Variants in KIF1B observed in about 807,000 individuals in gnomAD.
KIF1B encodes the protein kinesin family member 1B, also known as kinesin-like protein KIF1B.
A neutral mutation model predicts 241.9 loss-of-function variants in KIF1B; 76 were observed. The ratio of observed to expected loss-of-function variants is 0.31; its 90% CI spans 0.26 to 0.38. The LOEUF (loss-of-function observed/expected upper bound fraction) is 0.38. Among genes scored for constraint, KIF1B ranks in the 10% least tolerant of loss-of-function variants. KIF1B has a pLI of 1.00. For missense variants in KIF1B, 1,622 were observed against 2,271.4 expected (o/e 0.71, Z 5.81); for synonymous variants, 750 against 796.7 (o/e 0.94, Z 0.99).
chr1:10,364,733 G>A (rs1032744486), intron 41 of KIF1B, among the ~76,000 whole-genome samples: 3 of 151,948 alleles, frequency 2.0e-5, no homozygotes, highest in Non-Finnish European at 2.9e-5. Flanking sequence ...GTGGCCAGGC[G>A]CGGTGGCTCA....
intron 22 of KIF1B, among the ~76,000 whole-genome samples, chr1:10,300,799 A>G (rs1340677432): frequency 6.6e-6 from 1 of 152,250 alleles, no homozygotes; most frequent in African/African-American, 2.4e-5. Flanking sequence ...ACTTAAAATT[A>G]GCCATTATGA....
intron 48 of KIF1B, 131 bp from the exon 49 acceptor site, chr1:10,376,414 G>A (rs900067123): frequency 4.7e-6 from 4 of 858,882 alleles, no homozygotes; most frequent in Non-Finnish European, 6.0e-6. Flanking sequence ...CGGAGTAGAC[G>A]GCTTAGAGGA....
intron 28 of KIF1B, among the ~76,000 whole-genome samples, chr1:10,335,114 A>T (rs1652116096): frequency 6.6e-6 from 1 of 152,068 alleles, no homozygotes; most frequent in Non-Finnish European, 1.5e-5. Context: ...TTTTAAGTTT[A>T]TAAATTTTAT....
chr1:10,268,344 G>A, intron 7 of KIF1B, 81 bp downstream of exon 7: 1 of 931,250 alleles, frequency 1.1e-6, no homozygotes, highest in Non-Finnish European at 1.7e-6. Context: ...TCTGCTTTTT[G>A]TGGAAGGTTG....
At chr1:10,239,201 G>A (rs1463698355) in intron 2 of KIF1B, among the ~76,000 whole-genome samples, 2 of 152,090 alleles carry the variant, frequency 1.3e-5, no homozygotes, top group South Asian at 2.1e-4. Flanking sequence ...TGATCTGCCC[G>A]TTCTTTCAGT....
chr1:10,213,155 TTA>T (rs1269518698), intron 1 of KIF1B, among the ~76,000 whole-genome samples: 1 of 151,178 alleles, frequency 6.6e-6, no homozygotes, highest in East Asian at 1.9e-4. Flanking sequence ...TTTTTAATTT[TTA>T]GAGTTACTTT....
chr1:10,235,940 T>G (rs1353597182), intron 2 of KIF1B, among the ~76,000 whole-genome samples: 3 of 151,598 alleles, frequency 2.0e-5, no homozygotes, highest in Admixed American at 1.3e-4. Context: ...GATATTCCAT[T>G]TAAGCTGGAC....
rs1026694682 is a variant in KIF1B at position 10,365,831 on chromosome 1, T to C, written c.4752+183T>C. 4.6e-4 allele frequency among the ~76,000 whole-genome samples: 70 copies of C among 152,208 alleles called. No homozygotes were observed. The highest frequency in any genetic ancestry group is 1.6e-3 in the African/African-American group (68 of 41,452). On this transcript the variant is annotated intron_variant, in intron 43 of 48. Transcript: ENST00000676179. The surrounding 1 kb of genome is among the most constrained non-coding windows in gnomAD (Gnocchi z 4.0). ...AGCTTACAGGGCCAGGCACAGTGCC[T>C]GATGCCTATTATCCCACCACTTTGG...
chr1:10,271,476 G>GC, intron 7 of KIF1B, 26 bp from the exon 8 acceptor site: 1 of 1,523,602 alleles, frequency 6.6e-7, no homozygotes, highest in Non-Finnish European at 9.1e-7. Flanking sequence ...TTTTTGAATT[G>GC]CCCCCATGTT....
intron 1 of KIF1B, among the ~76,000 whole-genome samples, chr1:10,215,172 A>ATTTTTTT (rs1166683802): frequency 1.5e-4 from 7 of 45,360 alleles, no homozygotes; most frequent in African/African-American, 4.0e-4. Context: ...ATATATATAT[A>ATTTTTTT]TTTTTTTTTT....
intron 1 of KIF1B, among the ~76,000 whole-genome samples, chr1:10,229,867 C>CAAAAAAAAAAAAAAAA (rs58923572): frequency 1.6e-4 from 9 of 56,474 alleles, no homozygotes; most frequent in African/African-American, 7.4e-4. Context: ...GACTCCGTCT[C>CAAAAAAAAAAAAAAAA]AAAAAAAAAA....
intron 2 of KIF1B, among the ~76,000 whole-genome samples, 180 bp from the exon 3 acceptor site, chr1:10,256,067 T>C (rs1399590379): frequency 1.3e-5 from 2 of 151,768 alleles, no homozygotes; most frequent in African/African-American, 4.8e-5. Context: ...GCTCGGACTC[T>C]CAAAATGCTG....
chr1:10,268,733 T>C (rs2102208100), intron 7 of KIF1B, among the ~76,000 whole-genome samples: 1 of 152,240 alleles, frequency 6.6e-6, no homozygotes, highest in African/African-American at 2.4e-5. Context: ...TCTGGTGTTC[T>C]TCAAATACCT....
At chr1:10,351,992 A>G (rs972120875) in intron 37 of KIF1B, among the ~76,000 whole-genome samples, 1 of 152,078 alleles carries the variant, frequency 6.6e-6, no homozygotes, top group African/African-American at 2.4e-5. Flanking sequence ...AACACAAAAA[A>G]ACAAGAAACT....
chr1:10,290,752 C>A lies in KIF1B; in HGVS notation c.1435-330C>A, dbSNP rs548108833. ...GGGCGTGGTGGCACGTGCCTGTAGTCCCAGCTGCTCGGGAGGCTGAGGCAG... is the reference window on the plus strand; with the variant it reads ...GGGCGTGGTGGCACGTGCCTGTAGTACCAGCTGCTCGGGAGGCTGAGGCAG... On this transcript the variant is annotated intron_variant, in intron 15 of 48. Coordinates refer to ENST00000676179, the MANE Select transcript of KIF1B (RefSeq NM_001365951.3). Among the ~76,000 whole-genome samples, 4 of 151,902 alleles carry A rather than the reference C, an allele frequency of 2.6e-5. No homozygotes were observed. The East Asian group carries it at 7.9e-4, about 30-fold the overall frequency.
In KIF1B at chr1:10,365,050, T is replaced by G; in HGVS notation, c.4367-50T>G. 2.0e-6 allele frequency: 3 copies of G among 1,494,828 alleles called. No homozygotes were observed. The highest frequency in any genetic ancestry group is 2.7e-6 in the Non-Finnish European group (3 of 1,099,688). 92.6% of individuals were successfully genotyped at this position (1,494,828 alleles called of 1,614,324 possible). Reference sequence around the variant, plus strand: ...TTATTAATTCGTTTTGACCTAAACTTGGAATTGAATTTTTTTTCTGAAACA... The same window carrying G: ...TTATTAATTCGTTTTGACCTAAACTGGGAATTGAATTTTTTTTCTGAAACA... On this transcript the variant is annotated intron_variant, in intron 41 of 48. Transcript: ENST00000676179. This position sits in a 1 kb window ranked among gnomAD's most constrained non-coding sequence, Gnocchi z 4.0.
chr1:10,326,143 G>T lies in KIF1B; in HGVS notation c.2708G>T (p.Arg903Leu), dbSNP rs778403355. Residue 903 changes from arginine to leucine, a missense_variant, in exon 27 of 49, where the codon CGC becomes CTC. Physicochemically the swap from Arg to Leu is moderately radical, Grantham distance 102. Around this residue, in one of 7 missense-constraint regions of KIF1B, gnomAD observed 803 missense variants for 1,112.0 expected, o/e 0.72. Coordinates refer to ENST00000676179, the MANE Select transcript of KIF1B (RefSeq NM_001365951.3). The surrounding 1 kb of genome is among the most constrained non-coding windows in gnomAD (Gnocchi z 5.2). The stretch of plus-strand genomic sequence containing the variant: ...ATTTTCCACGGCTGTGTGAACGAGC[G>T]CCTTGCCGACCGCACACCCTCCCCC... ...SPIFHGCVNE[R>L]LADRTPSPTF... is the part of the protein sequence containing the mutation. 6.2e-7 allele frequency: 1 copy of T among 1,613,968 alleles called. No homozygotes were observed.
intron 22 of KIF1B, among the ~76,000 whole-genome samples, chr1:10,311,523 T>C (rs1651066243): frequency 6.6e-6 from 1 of 151,356 alleles, no homozygotes; most frequent in Non-Finnish European, 1.5e-5. Context: ...CCATTTTTTC[T>C]TTTCATTATT....
rs190108168 is a variant in KIF1B, at chr1:10,378,619, T to A, written c.*2032T>A. On this transcript the variant is annotated 3_prime_UTR_variant, in exon 49 of 49. Transcript: ENST00000676179. ...TCAGGCGTTAGGCAGCTGGATGACT[T>A]CCCGCTTCACGCAGCAAAGGCCAGG... 6.0e-5 allele frequency: 35 copies of A among 587,196 alleles called. No individual in the cohort carries two copies. The highest frequency in any genetic ancestry group is 4.3e-4 in the Middle Eastern group (1 of 2,308). 36.4% of individuals were successfully genotyped at this position (587,196 alleles called of 1,614,324 possible). A position where few individuals can be genotyped will look rare whatever the true frequency, so the allele number is the denominator to read the frequency against.
Sources: gnomAD v4.1 joint callset for allele counts (sites outside exome capture counted in the v4.1 genomes callset) on GRCh38, gnomAD v4.1.1 for gene constraint, gnomAD v4.1.1 regional missense constraint, Gnocchi (gnomAD v3.1) non-coding constraint, MANE v1.5 for transcripts, NCBI Gene and HGNC (gene_info 2026-07-23, HGNC 2026-07-21) for gene names.